CERS6: variants seen among roughly 807,000 people sequenced by gnomAD.
CERS6 encodes LAG1 homolog, ceramide synthase 6.
CERS6 carries 26 observed loss-of-function variants against 56.8 expected under a neutral mutation model. The observed-to-expected ratio is 0.46, with a 90% confidence interval of 0.34 to 0.63. The LOEUF is 0.63. CERS6 is among the 30% of genes least tolerant of loss of function. CERS6 has a pLI of 0.01. For missense variants in CERS6, 415 were observed against 467.5 expected, an observed-to-expected ratio of 0.89 and a Z score of 1.04; for synonymous variants, 164 against 173.3, an observed-to-expected ratio of 0.95 and a Z score of 0.42.
At position 168,464,172 on chromosome 2, in the gene CERS6, T is replaced by TGTG. The variant is rs1558959208; in HGVS notation, c.170+7554_170+7555insGTG. ...TTTTCTCTGGTCACATATTTATACT[T>TGTG]TTTGTGTGTGTGTGTGTGTGTGTGT... On this transcript the variant is annotated intron_variant, in intron 1 of 9. Coordinates refer to ENST00000305747, the MANE Select transcript of CERS6 (RefSeq NM_203463.3). Among the ~76,000 whole-genome samples, 42 of 68,944 alleles carry TGTG rather than the reference T, an allele frequency of 6.1e-4. No individual in the cohort carries two copies. In the East Asian group the frequency reaches 0.021, roughly 34 times the overall value. 45.2% of individuals were successfully genotyped at this position (68,944 alleles called of 152,430 possible). A position where few individuals can be genotyped will look rare whatever the true frequency, so the allele number is the denominator to read the frequency against.
At chr2:168,470,734 T>G (rs1046500308) in intron 1 of CERS6, among the ~76,000 whole-genome samples, 1 of 152,182 alleles carries the variant, frequency 6.6e-6, no homozygotes, top group African/African-American at 2.4e-5. Flanking sequence ...AGGTGGTGGT[T>G]GTTAACCAGA....
In CERS6 at chr2:168,680,879, G is replaced by A. The variant is rs184620384; in HGVS notation, c.466-10155G>A. 5.9e-5 allele frequency among the ~76,000 whole-genome samples: 9 copies of A among 152,306 alleles called. No homozygotes were observed. The East Asian group carries it at 1.7e-3, about 29-fold the overall frequency. ...AGTTAGTCTGTGATATTCTGTTATA[G>A]CAGCACAAAGTGGACCAAGTGCCTT... On this transcript the variant is annotated intron_variant, in intron 4 of 9. Coordinates refer to ENST00000305747, the MANE Select transcript of CERS6 (RefSeq NM_203463.3).
At chr2:168,497,773 G>A (rs1373021272) in intron 1 of CERS6, among the ~76,000 whole-genome samples, 1 of 152,178 alleles carries the variant, frequency 6.6e-6, no homozygotes, top group East Asian at 1.9e-4. Context: ...CCGTTAGTAG[G>A]TTTTGAGCAA....
In CERS6 at chr2:168,774,510, G is replaced by T. The variant is rs538387825; in HGVS notation, c.*4848G>T. ...TCTGTTGCGTGGCCTGGAAACCAGG[G>T]AGCAGCAACTATTGAGATGGTTTCT... On this transcript the variant is annotated 3_prime_UTR_variant, in exon 10 of 10. Coordinates refer to ENST00000305747, the MANE Select transcript of CERS6 (RefSeq NM_203463.3). The T allele has an allele frequency of 6.6e-6, 1 of 152,124 alleles. No individual in the cohort carries two copies. The highest frequency in any genetic ancestry group is 1.5e-5 in the Non-Finnish European group (1 of 68,024). 9.4% of individuals were successfully genotyped at this position (152,124 alleles called of 1,614,324 possible).
chr2:168,500,545 A>G (rs1320794263), intron 1 of CERS6, among the ~76,000 whole-genome samples: 1 of 152,242 alleles, frequency 6.6e-6, no homozygotes, highest in East Asian at 1.9e-4. Context: ...GGACAGTTTA[A>G]CCAGAGAATT....
chr2:168,715,028 C>T lies in CERS6; in HGVS notation c.637C>T (p.Leu213Phe). The change falls in exon 7 of 10, where the codon CTT (leucine) becomes TTT (phenylalanine). Residue 213 changes from leucine to phenylalanine, a missense_variant. By Grantham distance (22) the Leu-to-Phe change is conservative (BLOSUM62 0). Coordinates refer to ENST00000305747, the MANE Select transcript of CERS6 (RefSeq NM_203463.3). ...KDFGIMFLHHLVSIFLITFSY... is the reference protein window; with the variant it reads ...KDFGIMFLHHFVSIFLITFSY... ...CTTTGGCATTATGTTCCTGCACCAC[C>T]TTGTATCTATTTTCTTGATTACCTT... The T allele has an allele frequency of 6.2e-7, 1 of 1,609,902 alleles. No homozygotes were observed. Among genetic ancestry groups the T allele is most frequent in the South Asian group, 1.1e-5 (1 of 90,242 alleles).
chr2:168,768,927 A>AG (rs1185173102), intron 9 of CERS6, among the ~76,000 whole-genome samples: 2 of 150,144 alleles, frequency 1.3e-5, no homozygotes, highest in East Asian at 1.9e-4. Context: ...AAAAAAGAAA[A>AG]GAAAAAAAAA....
intron 3 of CERS6, among the ~76,000 whole-genome samples, chr2:168,618,533 T>A (rs1055208489): frequency 2.0e-5 from 3 of 152,154 alleles, no homozygotes; most frequent in Non-Finnish European, 4.4e-5. Context: ...TCAGCAAAGC[T>A]TCTGGATACA....
intron 1 of CERS6, among the ~76,000 whole-genome samples, chr2:168,500,092 A>G (rs1694552983): frequency 6.6e-6 from 1 of 152,134 alleles, no homozygotes; most frequent in Non-Finnish European, 1.5e-5. Context: ...TCTTTGATGG[A>G]CTCATTCATA....
intron 3 of CERS6, among the ~76,000 whole-genome samples, chr2:168,578,943 T>A (rs543914349): frequency 6.6e-6 from 1 of 152,192 alleles, no homozygotes; most frequent in Admixed American, 6.5e-5. Flanking sequence ...CAGAGACTTA[T>A]ATATAAATAT....
chr2:168,495,325 A>AT (rs1694446522), intron 1 of CERS6, among the ~76,000 whole-genome samples: 1 of 152,196 alleles, frequency 6.6e-6, no homozygotes, highest in Non-Finnish European at 1.5e-5. Flanking sequence ...GTCAAAAGTA[A>AT]AGTGTTTTAT....
At chr2:168,745,349 C>T (rs963781780) in intron 8 of CERS6, among the ~76,000 whole-genome samples, 2 of 151,980 alleles carry the variant, frequency 1.3e-5, no homozygotes, top group African/African-American at 4.8e-5. Context: ...TCACGCCATT[C>T]TCCTGCCTCA....
At chr2:168,582,349 G>C (rs1286299083) in intron 3 of CERS6, among the ~76,000 whole-genome samples, 1 of 152,032 alleles carries the variant, frequency 6.6e-6, no homozygotes, top group Non-Finnish European at 1.5e-5. Context: ...AAGGAGCTGT[G>C]GTGTTCTACT....
chr2:168,515,715 G>A (rs944263696), intron 1 of CERS6, among the ~76,000 whole-genome samples: 3 of 152,242 alleles, frequency 2.0e-5, no homozygotes, highest in African/African-American at 7.2e-5. Context: ...GTCAGGATCA[G>A]TGGGTTCCAA....
chr2:168,535,451 G>C (rs539806290), intron 1 of CERS6, among the ~76,000 whole-genome samples: 1 of 152,152 alleles, frequency 6.6e-6, no homozygotes, highest in East Asian at 1.9e-4. Context: ...GGGGGAGAGG[G>C]TTCTCCTGGC....
In CERS6 at chr2:168,630,331, C is replaced by T. The variant is rs550479607; in HGVS notation, c.408-654C>T. Among the ~76,000 whole-genome samples, 8 of 146,884 alleles carry T rather than the reference C, an allele frequency of 5.4e-5. No homozygotes were observed. The South Asian group carries it at 1.6e-3, about 29-fold the overall frequency. On this transcript the variant is annotated intron_variant, in intron 3 of 9. Transcript: ENST00000305747. ...ACACACACACACACACACACACGCA[C>T]ACATCTTATATTTTAAAAGACTTAA...
intron 3 of CERS6, among the ~76,000 whole-genome samples, chr2:168,607,548 A>G (rs751648568): frequency 1.3e-5 from 2 of 151,982 alleles, no homozygotes; most frequent in Non-Finnish European, 2.9e-5. Flanking sequence ...TGCCCGGCTA[A>G]TTTTTGTATT....
At chr2:168,557,923 T>C (rs891449731) in intron 2 of CERS6, among the ~76,000 whole-genome samples, 3 of 152,090 alleles carry the variant, frequency 2.0e-5, no homozygotes, top group Non-Finnish European at 4.4e-5. Flanking sequence ...CATATGAAGA[T>C]GCCTTACAAA....
chr2:168,522,025 G>C (rs1325319277), intron 1 of CERS6, among the ~76,000 whole-genome samples: 2 of 152,168 alleles, frequency 1.3e-5, no homozygotes, highest in Non-Finnish European at 2.9e-5. Context: ...TCGTGTGCCT[G>C]GGTAGTGATT....
Sources: allele counts gnomAD v4.1 joint callset (sites outside exome capture counted in the v4.1 genomes callset), GRCh38; gene constraint gnomAD v4.1.1; transcripts MANE v1.5; gene names NCBI Gene and HGNC (gene_info 2026-07-23, HGNC 2026-07-21).